Variants in RANBP2 observed in about 807,000 individuals in gnomAD.
The protein encoded by RANBP2 is RAN binding protein 2.
RANBP2 carries 57 observed loss-of-function variants against 303.6 expected under a neutral mutation model. The observed-to-expected ratio is 0.19, with a 90% CI of 0.15 to 0.23. The LOEUF (loss-of-function observed/expected upper bound fraction) is 0.23, where lower values mean the gene tolerates loss of function less well. Among genes scored for constraint, RANBP2 ranks in the 10% least tolerant of loss-of-function variants. The pLI is 1.00. For synonymous variants in RANBP2, 1,167 were observed against 1,301.5 expected, an observed-to-expected ratio of 0.90 and a Z score of 2.23; for missense variants, 3,138 against 3,780.8, an observed-to-expected ratio of 0.83 and a Z score of 4.46.
At chr2:109,573,274 A>G in the RANBP2 span, among the ~76,000 whole-genome samples, 1 of 152,238 alleles carries the variant, frequency 6.6e-6, no homozygotes, top group African/African-American at 2.4e-5. Flanking sequence ...GACAGAGCCA[A>G]TATTTAGAGC....
chr2:109,453,418 C>T, the RANBP2 span, among the ~76,000 whole-genome samples: 1 of 152,220 alleles, frequency 6.6e-6, no homozygotes, highest in Non-Finnish European at 1.5e-5. Context: ...GGAACACTGC[C>T]TATTGTGTCC....
chr2:108,786,880 A>T (rs1268386001), downstream of RANBP2: 2 of 1,571,590 alleles, frequency 1.3e-6, no homozygotes, highest in African/African-American at 1.4e-5. Flanking sequence ...GAGTCTCAAA[A>T]GCCGCTACGG....
the RANBP2 span, among the ~76,000 whole-genome samples, chr2:109,363,839 C>T: frequency 2.0e-5 from 3 of 152,182 alleles, no homozygotes; most frequent in Non-Finnish European, 2.9e-5. Flanking sequence ...TTTTCCTTTG[C>T]TCCTTTATAG....
At chr2:109,312,858 C>G in the RANBP2 span, among the ~76,000 whole-genome samples, 1 of 152,168 alleles carries the variant, frequency 6.6e-6, no homozygotes, top group Non-Finnish European at 1.5e-5. Flanking sequence ...TGCTTGAACA[C>G]CTGTCTTAGA....
At chr2:109,429,359 C>T in the RANBP2 span, among the ~76,000 whole-genome samples, 1 of 152,130 alleles carries the variant, frequency 6.6e-6, no homozygotes, top group Admixed American at 6.5e-5. Context: ...TGAAGCTAGG[C>T]TTATTTACAT....
the RANBP2 span, among the ~76,000 whole-genome samples, chr2:108,828,760 C>G: frequency 4.5e-3 from 690 of 152,152 alleles, 4 homozygotes; most frequent in African/African-American, 0.016. Context: ...GGACAGATCA[C>G]CAGGTCAGGA....
the RANBP2 span, among the ~76,000 whole-genome samples, chr2:109,118,966 A>C: frequency 5.9e-5 from 9 of 152,126 alleles, no homozygotes; most frequent in Admixed American, 2.6e-4. Context: ...TGAAACCAGG[A>C]TGGTTGAATG....
the RANBP2 span, among the ~76,000 whole-genome samples, chr2:109,393,163 G>T: frequency 6.6e-6 from 1 of 152,192 alleles, no homozygotes; most frequent in Non-Finnish European, 1.5e-5. Context: ...GAAGCTTTAA[G>T]GCCAGCAACC....
the RANBP2 span, among the ~76,000 whole-genome samples, chr2:109,239,175 T>A: frequency 6.6e-6 from 1 of 152,130 alleles, no homozygotes; most frequent in South Asian, 2.1e-4. Flanking sequence ...GACCTCTTTC[T>A]TCCCTGGGTG....
the RANBP2 span, among the ~76,000 whole-genome samples, chr2:109,341,973 C>G: frequency 6.6e-6 from 1 of 152,146 alleles, no homozygotes; most frequent in South Asian, 2.1e-4. Context: ...TGTCTCTGAC[C>G]CATTCTCAGA....
chr2:109,623,210 T>C, the RANBP2 span, among the ~76,000 whole-genome samples: 1 of 152,240 alleles, frequency 6.6e-6, no homozygotes, highest in African/African-American at 2.4e-5. Context: ...TATCGGAATC[T>C]ATTACAAAGG....
the RANBP2 span, among the ~76,000 whole-genome samples, chr2:109,331,903 GC>G: frequency 6.6e-6 from 1 of 152,170 alleles, no homozygotes; most frequent in Admixed American, 6.5e-5. Flanking sequence ...GCAGTCCACT[GC>G]CTCTCTGGAG....
chr2:108,962,522 A>G, the RANBP2 span, among the ~76,000 whole-genome samples: 1 of 151,960 alleles, frequency 6.6e-6, no homozygotes, highest in Middle Eastern at 3.4e-3. Flanking sequence ...AAATACAAAA[A>G]AAATTAGCCG....
chr2:109,406,658 C>T, the RANBP2 span, among the ~76,000 whole-genome samples: 1 of 152,156 alleles, frequency 6.6e-6, no homozygotes, highest in Non-Finnish European at 1.5e-5. Flanking sequence ...TAGGCCATAA[C>T]AGAGATATTG....
chr2:109,170,311 T>C, the RANBP2 span, among the ~76,000 whole-genome samples: 2,074 of 128,190 alleles, frequency 0.016, 31 homozygotes, highest in South Asian at 0.03. Context: ...TCTCTTCTCT[T>C]CTCTCCTCTC....
At chr2:109,743,088 T>G in the RANBP2 span, among the ~76,000 whole-genome samples, 13 of 147,660 alleles carry the variant, frequency 8.8e-5, no homozygotes, top group South Asian at 1.1e-3. Context: ...CTGTGCAACA[T>G]AGAGAGACCC....
intron 7 of RANBP2, among the ~76,000 whole-genome samples, chr2:108,746,208 C>CTTT (rs35544546): frequency 0.025 from 2,303 of 90,582 alleles, 180 homozygotes; most frequent in African/African-American, 0.11. Flanking sequence ...ATGTCTGGCC[C>CTTT]TTTTTTTTTT....
At chr2:109,681,338 G>A in the RANBP2 span, among the ~76,000 whole-genome samples, 3 of 152,176 alleles carry the variant, frequency 2.0e-5, no homozygotes, top group African/African-American at 2.4e-5. Flanking sequence ...CTGCTTATAC[G>A]CATGCCTGTA....
chr2:108,817,682 T>C, the RANBP2 span, among the ~76,000 whole-genome samples: 1 of 152,130 alleles, frequency 6.6e-6, no homozygotes, highest in African/African-American at 2.4e-5. Context: ...CAAACTGGAT[T>C]CCACATGCAA....
Sources: allele counts gnomAD v4.1 joint callset (sites outside exome capture counted in the v4.1 genomes callset), GRCh38; gene constraint gnomAD v4.1.1; transcripts MANE v1.5; gene names NCBI Gene and HGNC (gene_info 2026-07-23, HGNC 2026-07-21).